The following TATDN1 variants were observed in gnomAD, a reference collection of about 807,000 sequenced individuals.
The protein encoded by TATDN1 is deoxyribonuclease TATDN1.
Under a neutral mutation model 46.4 loss-of-function variants are expected in TATDN1, and 40 were observed. The ratio of observed to expected loss-of-function variants is 0.86; its 90% CI spans 0.67 to 1.12. The LOEUF is 1.12. TATDN1 is among the 50% of genes most tolerant of loss of function. The probability of loss-of-function intolerance (pLI) is 0.00; values close to 1 mark genes in which losing one functional copy is unlikely to be tolerated. For synonymous variants in TATDN1, 95 were observed against 105.6 expected (o/e 0.90, Z 0.62); for missense variants, 326 against 348.4 (o/e 0.94, Z 0.51).
intron 8 of TATDN1, among the ~76,000 whole-genome samples, chr8:124,506,334 C>CAAAAAAAAAAAAAAAAAAAAAAAAAAAAA (rs56023168): frequency 1.7e-4 from 9 of 52,520 alleles, no homozygotes; most frequent in East Asian, 5.8e-4. Context: ...GGCTCTGTCT[C>CAAAAAAAAAAAAAAAAAAAAAAAAAAAAA]AAAAAAAAAA....
At chr8:124,504,064 T>C (rs1280729874) in intron 9 of TATDN1, 3 of 790,322 alleles carry the variant, frequency 3.8e-6, no homozygotes, top group African/African-American at 1.8e-5. Flanking sequence ...GAACATAATG[T>C]AGTAGTCTAT....
chr8:124,488,796 C>A, intron 11 of TATDN1, 100 bp from the exon 12 acceptor site: 1 of 718,378 alleles, frequency 1.4e-6, no homozygotes, highest in Non-Finnish European at 2.4e-6. Flanking sequence ...ATTGGCACAC[C>A]TTTAATATAA....
At chr8:124,502,257 C>T (rs55872747) in intron 9 of TATDN1, among the ~76,000 whole-genome samples, 13,313 of 150,790 alleles carry the variant, frequency 0.088, 891 homozygotes, top group South Asian at 0.29. Flanking sequence ...AGGAGAATGG[C>T]GTGAACCCGG....
At position 124,504,347 on chromosome 8, in the gene TATDN1, C is replaced by A. The variant is rs369523223; in HGVS notation, c.517G>T (p.Val173Leu). The A allele has an allele frequency of 1.0e-5, 16 of 1,589,446 alleles. No homozygotes were observed. The highest frequency in any genetic ancestry group is 1.4e-5 in the Non-Finnish European group (16 of 1,168,284). The stretch of plus-strand genomic sequence containing the variant: ...TCCTTGGTACCATCAAATGAATGCA[C>A]CTGGGGACATACAGGTATAAGTTTA... ...RNRDRCVGGV[V>L]HSFDGTKEAA... The change falls in exon 9 of 12, where the codon GTG becomes TTG. Residue 173 changes from valine (V) to leucine (L), a missense_variant and splice_region_variant. Val to Leu is a conservative substitution (Grantham distance 32). Coordinates refer to ENST00000276692, the MANE Select transcript of TATDN1 (RefSeq NM_032026.4).
chr8:124,529,421 G>A (rs1426228854), intron 1 of TATDN1, among the ~76,000 whole-genome samples: 9 of 152,110 alleles, frequency 5.9e-5, no homozygotes, highest in Non-Finnish European at 1.0e-4. Context: ...GAGAGAAAGG[G>A]GGTCCTTCTG....
At chr8:124,538,779 A>C in intron 1 of TATDN1, 1 of 588,350 alleles carries the variant, frequency 1.7e-6, no homozygotes, top group East Asian at 2.8e-5. Context: ...TGTTGAAAAC[A>C]GCACAAAAAT....
At chr8:124,504,240 A>G (rs747899621) in intron 9 of TATDN1, 31 bp downstream of exon 9, 1 of 1,504,482 alleles carries the variant, frequency 6.6e-7, no homozygotes, top group Non-Finnish European at 9.1e-7. Context: ...CTTAAATAAA[A>G]GTTAAAAACC....
chr8:124,507,951 A>G (rs996356087), intron 8 of TATDN1, among the ~76,000 whole-genome samples: 8 of 152,236 alleles, frequency 5.3e-5, no homozygotes, highest in Non-Finnish European at 1.0e-4. Flanking sequence ...CAGTAAATTT[A>G]CATGTCTTTC....
Position 124,516,085 on chromosome 8 carries a change from TTTA to T in TATDN1, c.203-58_203-56del, listed in dbSNP as rs1819447487. On this transcript the variant is annotated intron_variant, in intron 4 of 11. Coordinates refer to ENST00000276692, the MANE Select transcript of TATDN1 (RefSeq NM_032026.4). Reference sequence around the variant, plus strand: ...TTCAAAGTATTTTCTCATATTTATATTTATTATGATATTTAGAGGATATCAAGT... The same window carrying T: ...TTCAAAGTATTTTCTCATATTTATATTTATGATATTTAGAGGATATCAAGT... 24 of 1,410,702 alleles carry T rather than the reference TTTA, an allele frequency of 1.7e-5. No individual in the cohort carries two copies. The East Asian group carries it at 5.8e-4, about 34-fold the overall frequency. 87.4% of individuals were successfully genotyped at this position (1,410,702 alleles called of 1,614,324 possible).
chr8:124,520,038 A>G (rs970006805), intron 3 of TATDN1, among the ~76,000 whole-genome samples: 4 of 152,238 alleles, frequency 2.6e-5, no homozygotes, highest in Admixed American at 1.3e-4. Flanking sequence ...ATTGCAAATG[A>G]TAAATAGATA....
chr8:124,537,202 G>A (rs76059645), intron 1 of TATDN1, among the ~76,000 whole-genome samples: 1,914 of 151,974 alleles, frequency 0.013, 40 homozygotes, highest in African/African-American at 0.043. Context: ...ACGCCCCTAG[G>A]AAAAAAATAT....
chr8:124,510,744 G>C (rs80049725), intron 6 of TATDN1, among the ~76,000 whole-genome samples: 1 of 152,028 alleles, frequency 6.6e-6, no homozygotes, highest in Non-Finnish European at 1.5e-5. Context: ...GATTGCTTGA[G>C]CCTGGCGAGG....
rs777615196 is a variant in TATDN1, at chr8:124,522,175, TC to T, written c.113del (p.Arg38LysfsTer11). 2.4e-5 allele frequency: 39 copies of T among 1,598,250 alleles called. No individual in the cohort carries two copies. The highest frequency in any genetic ancestry group is 3.2e-5 in the Non-Finnish European group (37 of 1,171,584). The stretch of plus-strand genomic sequence containing the variant: ...CCTTTTTAACACCAATCTCGACAGC[TC>T]TCCCTATTACATCCTGTAAGTCATC... Reference protein sequence around the residue: ...HQDDLQDVIGRAVEIGVKKFM... With the variant: ...HQDDLQDVIGXAVEIGVKKFM... On this transcript the variant is annotated frameshift_variant, in exon 3 of 12. Transcript: ENST00000276692. LOFTEE classifies it high-confidence loss of function.
intron 10 of TATDN1, 104 bp from the exon 11 acceptor site, chr8:124,494,063 T>C: frequency 8.8e-7 from 1 of 1,135,258 alleles, no homozygotes; most frequent in Non-Finnish European, 1.2e-6. Context: ...GTGATTCAGC[T>C]TCCAAAATGG....
chr8:124,515,689 A>T, intron 6 of TATDN1, 57 bp downstream of exon 6: 3 of 1,523,668 alleles, frequency 2.0e-6, no homozygotes, highest in Non-Finnish European at 2.7e-6. Context: ...GATACAAGAT[A>T]TTTTAAAAAT....
chr8:124,537,387 G>A (rs1821541606), intron 1 of TATDN1, among the ~76,000 whole-genome samples: 1 of 152,204 alleles, frequency 6.6e-6, no homozygotes, highest in Non-Finnish European at 1.5e-5. Context: ...AACCTTGTCA[G>A]AGGTAACAAA....
rs756258807 is a variant in TATDN1, at chr8:124,488,719, A to G, written c.792-23T>C. 1.0e-5 allele frequency: 14 copies of G among 1,402,094 alleles called. No homozygotes were observed. In the African/African-American group the frequency reaches 1.4e-4, roughly 14 times the overall value. 86.9% of individuals were successfully genotyped at this position (1,402,094 alleles called of 1,614,324 possible). ...TGACTAAAACAAAACAAAAACAAAAATGGTTAAATCTCCAAGTATACATTT... is the reference window on the plus strand; with the variant it reads ...TGACTAAAACAAAACAAAAACAAAAGTGGTTAAATCTCCAAGTATACATTT... On this transcript the variant is annotated intron_variant, in intron 11 of 11. Coordinates refer to ENST00000276692, the MANE Select transcript of TATDN1 (RefSeq NM_032026.4).
chr8:124,531,693 C>CA (rs1254585154), intron 1 of TATDN1, among the ~76,000 whole-genome samples: 1 of 152,116 alleles, frequency 6.6e-6, no homozygotes, highest in African/African-American at 2.4e-5. Context: ...CAAGTTGTCA[C>CA]ATGGTTAAGG....
At chr8:124,528,977 T>A (rs888993842) in intron 1 of TATDN1, among the ~76,000 whole-genome samples, 1 of 152,170 alleles carries the variant, frequency 6.6e-6, no homozygotes, top group African/African-American at 2.4e-5. Flanking sequence ...GGCCCCACAG[T>A]GAAGGTTATG....
Sources: gnomAD v4.1 joint callset for allele counts (sites outside exome capture counted in the v4.1 genomes callset) on GRCh38, gnomAD v4.1.1 for gene constraint, MANE v1.5 for transcripts, NCBI Gene and HGNC (gene_info 2026-07-23, HGNC 2026-07-21) for gene names.